Variants in RNGTT observed in about 807,000 individuals in gnomAD.
RNGTT encodes RNA guanylyltransferase and 5'-phosphatase.
A neutral mutation model predicts 79.3 loss-of-function variants in RNGTT; 33 were observed. The ratio of observed to expected loss-of-function variants is 0.42; its 90% CI spans 0.32 to 0.56. RNGTT has a LOEUF of 0.56. Among genes scored for constraint, RNGTT ranks in the 20% least tolerant of loss-of-function variants. The probability of loss-of-function intolerance (pLI) is 0.17; values close to 1 mark genes in which losing one functional copy is unlikely to be tolerated. For synonymous variants in RNGTT, 222 were observed against 235.9 expected, an observed-to-expected ratio of 0.94 and a Z score of 0.54; for missense variants, 497 against 739.1, an observed-to-expected ratio of 0.67 and a Z score of 3.80.
At chr6:88,914,504 T>A (rs961922912) in intron 4 of RNGTT, among the ~76,000 whole-genome samples, 13 of 149,390 alleles carry the variant, frequency 8.7e-5, no homozygotes, top group Non-Finnish European at 1.5e-4. Flanking sequence ...AACTAATCGA[T>A]CTTCAACAAA....
chr6:88,784,572 G>C (rs568349230), intron 12 of RNGTT, among the ~76,000 whole-genome samples: 3 of 151,694 alleles, frequency 2.0e-5, no homozygotes, highest in Non-Finnish European at 4.4e-5. Flanking sequence ...TCAGTTTGTA[G>C]CTCTTACAGA....
chr6:88,733,313 TA>T (rs1454455513), intron 13 of RNGTT, among the ~76,000 whole-genome samples: 13 of 152,018 alleles, frequency 8.6e-5, no homozygotes, highest in African/African-American at 2.9e-4. Context: ...GCAGTGAACC[TA>T]ATCTGTGCCA....
intron 1 of RNGTT, among the ~76,000 whole-genome samples, chr6:88,946,899 G>C (rs574346765): frequency 2.0e-4 from 26 of 131,238 alleles, no homozygotes; most frequent in African/African-American, 7.0e-4. Flanking sequence ...GCCAACCTCG[G>C]CCTCCCGAGG....
At chr6:88,835,965 C>G (rs1781051837) in intron 11 of RNGTT, among the ~76,000 whole-genome samples, 1 of 140,528 alleles carries the variant, frequency 7.1e-6, no homozygotes, top group African/African-American at 2.7e-5. Context: ...AAGACTCTGT[C>G]TCTATTAAAA....
intron 11 of RNGTT, among the ~76,000 whole-genome samples, chr6:88,805,860 G>A (rs1779936900): frequency 1.3e-5 from 2 of 152,188 alleles, no homozygotes; most frequent in African/African-American, 4.8e-5. Context: ...ACGTGAAACA[G>A]AAACACCAGG....
intron 8 of RNGTT, among the ~76,000 whole-genome samples, chr6:88,868,895 G>GA (rs553304537): frequency 6.6e-6 from 1 of 151,876 alleles, no homozygotes; most frequent in East Asian, 1.9e-4. Context: ...AACATTTTCA[G>GA]AAAAAAATTT....
intron 13 of RNGTT, among the ~76,000 whole-genome samples, chr6:88,755,005 CTG>C (rs1482820189): frequency 6.6e-6 from 1 of 152,142 alleles, no homozygotes; most frequent in Non-Finnish European, 1.5e-5. Context: ...CTCTATATTT[CTG>C]TGTGTGTCTT....
At chr6:88,778,624 G>C (rs1200223785) in intron 12 of RNGTT, among the ~76,000 whole-genome samples, 1 of 152,166 alleles carries the variant, frequency 6.6e-6, no homozygotes, top group Non-Finnish European at 1.5e-5. Flanking sequence ...CTGAGTAGCT[G>C]AGACGAAGGG....
rs979950889 is a variant in RNGTT at position 88,842,622 on chromosome 6, G to A, written c.1269+1735C>T. 3.9e-5 allele frequency among the ~76,000 whole-genome samples: 6 copies of A among 152,104 alleles called. No individual in the cohort carries two copies. In the East Asian group the frequency reaches 5.8e-4, roughly 15 times the overall value. ...ACAGAAGACAATTCCCTGAAGGAATGGAAGAGTAAAAATAGAGCATCTAAA... is the reference window on the plus strand; with the variant it reads ...ACAGAAGACAATTCCCTGAAGGAATAGAAGAGTAAAAATAGAGCATCTAAA... On this transcript the variant is annotated intron_variant, in intron 11 of 15. Coordinates refer to ENST00000369485, the MANE Select transcript of RNGTT (RefSeq NM_003800.5).
At chr6:88,940,124 G>A (rs2127958276) in intron 2 of RNGTT, among the ~76,000 whole-genome samples, 1 of 147,126 alleles carries the variant, frequency 6.8e-6, no homozygotes, top group Non-Finnish European at 1.5e-5. Context: ...TGCCTGGGTT[G>A]GAGTGCACTG....
In RNGTT at chr6:88,609,961, G is replaced by C. The variant is rs1485532757; in HGVS notation, c.*2758C>G. On this transcript the variant is annotated 3_prime_UTR_variant, in exon 16 of 16. Transcript: ENST00000369485. ...AAAATTTAAATGCATTAAAAATAAT[G>C]TAACAGAATATCTACTCATACAGTA... 1.3e-5 allele frequency among the ~76,000 whole-genome samples: 2 copies of C among 152,140 alleles called. No homozygotes were observed. Among genetic ancestry groups the C allele is most frequent in the African/African-American group, 4.8e-5 (2 of 41,420 alleles).
chr6:88,757,038 G>C (rs1582422748), intron 13 of RNGTT, among the ~76,000 whole-genome samples: 2 of 152,140 alleles, frequency 1.3e-5, no homozygotes, highest in African/African-American at 4.8e-5. Flanking sequence ...ATGCCACACT[G>C]CTACATTACC....
intron 12 of RNGTT, among the ~76,000 whole-genome samples, chr6:88,772,376 A>C (rs918510824): frequency 5.9e-5 from 9 of 152,182 alleles, no homozygotes; most frequent in African/African-American, 2.2e-4. Flanking sequence ...ATTCAGTGCA[A>C]TCTCTAAGAA....
At chr6:88,944,575 C>T (rs1016079119) in intron 1 of RNGTT, among the ~76,000 whole-genome samples, 1 of 151,938 alleles carries the variant, frequency 6.6e-6, no homozygotes, top group Admixed American at 6.6e-5. Flanking sequence ...ACATCTTCAG[C>T]ATCTCAGACA....
chr6:88,915,945 T>C (rs965314862), intron 4 of RNGTT, among the ~76,000 whole-genome samples: 1 of 152,202 alleles, frequency 6.6e-6, no homozygotes, highest in African/African-American at 2.4e-5. Context: ...CACAGTATTT[T>C]TTAAACCTGG....
At chr6:88,680,064 A>G (rs1775032774) in intron 13 of RNGTT, among the ~76,000 whole-genome samples, 1 of 152,182 alleles carries the variant, frequency 6.6e-6, no homozygotes. Context: ...TGGTATCTAG[A>G]GTCAAAACAA....
intron 13 of RNGTT, among the ~76,000 whole-genome samples, chr6:88,734,827 C>A (rs1456224060): frequency 6.6e-6 from 1 of 152,154 alleles, no homozygotes; most frequent in African/African-American, 2.4e-5. Flanking sequence ...ATGAAATAGT[C>A]GACACATTAT....
At chr6:88,626,359 G>T (rs964211) in intron 14 of RNGTT, among the ~76,000 whole-genome samples, 4,539 of 152,036 alleles carry the variant, frequency 0.03, 228 homozygotes, top group African/African-American at 0.1. Flanking sequence ...AGGCTCTAGG[G>T]TGAGAAAATA....
chr6:88,636,384 T>C (rs1295028229), intron 14 of RNGTT, among the ~76,000 whole-genome samples: 1 of 152,028 alleles, frequency 6.6e-6, no homozygotes, highest in East Asian at 1.9e-4. Flanking sequence ...ATCAAACCTA[T>C]AAAAATGAGC....
Sources: gnomAD v4.1 joint callset for allele counts (sites outside exome capture counted in the v4.1 genomes callset) on GRCh38, gnomAD v4.1.1 for gene constraint, MANE v1.5 for transcripts, NCBI Gene and HGNC (gene_info 2026-07-23, HGNC 2026-07-21) for gene names.